The following KAT2B variants were observed in gnomAD, a reference collection of about 807,000 sequenced individuals.
The protein encoded by KAT2B is histone acetyltransferase KAT2B.
A neutral mutation model predicts 105.9 loss-of-function variants in KAT2B; 36 were observed. That is an observed-to-expected ratio of 0.34 (90% CI 0.26 to 0.45). The LOEUF (loss-of-function observed/expected upper bound fraction) is 0.45, where lower values mean the gene tolerates loss of function less well. KAT2B is among the 20% of genes least tolerant of loss of function. KAT2B has a pLI of 1.00. For missense variants in KAT2B, 820 were observed against 1,021.6 expected, an observed-to-expected ratio of 0.80 and a Z score of 2.69; for synonymous variants, 397 against 377.9, an observed-to-expected ratio of 1.05 and a Z score of -0.59.
At chr3:20,104,086 A>G (rs1471008884) in intron 5 of KAT2B, among the ~76,000 whole-genome samples, 2 of 152,228 alleles carry the variant, frequency 1.3e-5, no homozygotes, top group African/African-American at 4.8e-5. Context: ...CCTTAAATGT[A>G]TAATTGAGTG....
chr3:20,121,525 G>C (rs2125174044), intron 8 of KAT2B, among the ~76,000 whole-genome samples: 1 of 152,270 alleles, frequency 6.6e-6, no homozygotes, highest in South Asian at 2.1e-4. Flanking sequence ...GTGTGGAATG[G>C]TGAGATTGCA....
At chr3:20,130,845 G>A (rs1037250531) in intron 11 of KAT2B, among the ~76,000 whole-genome samples, 2 of 138,660 alleles carry the variant, frequency 1.4e-5, no homozygotes, top group Non-Finnish European at 3.1e-5. Context: ...AAATAGAATG[G>A]ATGAGTTTAG....
chr3:20,041,694 G>T (rs756565360), intron 1 of KAT2B, among the ~76,000 whole-genome samples: 3 of 152,120 alleles, frequency 2.0e-5, no homozygotes, highest in Non-Finnish European at 2.9e-5. Flanking sequence ...CGGGGACTTG[G>T]CCTTGTCAGC....
chr3:20,046,379 C>T (rs1360202550), intron 1 of KAT2B, among the ~76,000 whole-genome samples: 1 of 152,070 alleles, frequency 6.6e-6, no homozygotes, highest in South Asian at 2.1e-4. Flanking sequence ...CTCACGAGTT[C>T]GAGACCAGCC....
At chr3:20,116,508 G>A (rs1266020125) in intron 7 of KAT2B, among the ~76,000 whole-genome samples, 1 of 152,074 alleles carries the variant, frequency 6.6e-6, no homozygotes, top group African/African-American at 2.4e-5. Context: ...TGAGATTATT[G>A]TCCTGGGGTG....
intron 5 of KAT2B, among the ~76,000 whole-genome samples, chr3:20,105,098 C>G (rs1698976916): frequency 6.6e-6 from 1 of 152,056 alleles, no homozygotes; most frequent in South Asian, 2.1e-4. Context: ...GTTGGCCAGG[C>G]TAGTCTCGAA....
chr3:20,067,234 T>A (rs1473435734), intron 1 of KAT2B, among the ~76,000 whole-genome samples: 1 of 152,258 alleles, frequency 6.6e-6, no homozygotes, highest in Non-Finnish European at 1.5e-5. Flanking sequence ...TTCAGTTACA[T>A]TTTTAAGCAT....
intron 7 of KAT2B, 56 bp from the exon 8 acceptor site, chr3:20,119,541 TG>T: frequency 6.2e-7 from 1 of 1,604,812 alleles, no homozygotes; most frequent in South Asian, 1.1e-5. Context: ...CTTCGTTTCT[TG>T]TTACCTAAGA....
chr3:20,091,641 T>G (rs2125193541), intron 2 of KAT2B, among the ~76,000 whole-genome samples: 1 of 152,308 alleles, frequency 6.6e-6, no homozygotes, highest in East Asian at 1.9e-4. Context: ...CATAAGCTTC[T>G]TTCTTAGAAC....
chr3:20,057,805 G>A (rs1349417216), intron 1 of KAT2B, among the ~76,000 whole-genome samples: 2 of 152,116 alleles, frequency 1.3e-5, no homozygotes, highest in Non-Finnish European at 1.5e-5. Flanking sequence ...GGTAACAACT[G>A]GAGCCATTCC....
intron 1 of KAT2B, among the ~76,000 whole-genome samples, chr3:20,071,895 T>C (rs888090551): frequency 6.6e-6 from 1 of 152,198 alleles, no homozygotes; most frequent in Non-Finnish European, 1.5e-5. Context: ...GTTTCCCTTC[T>C]GGTCCATGGG....
At position 20,072,322 on chromosome 3, in the gene KAT2B, T is replaced by G. The variant is rs1181098923; in HGVS notation, c.304-11T>G. ...TAAATAATTTTGTCTCTTTCTTTAT[T>G]CCATTTTTAGGCCGAGGAGTCTTGT... On this transcript the variant is annotated splice_polypyrimidine_tract_variant and intron_variant, in intron 1 of 17. Coordinates refer to ENST00000263754, the MANE Select transcript of KAT2B (RefSeq NM_003884.5). The G allele has an allele frequency of 6.2e-7, 1 of 1,613,098 alleles. No homozygotes were observed.
rs1432957964 is a variant in KAT2B, at chr3:20,040,772, G to T, written c.295G>T (p.Ala99Ser). 6.3e-7 allele frequency: 1 copy of T among 1,590,518 alleles called. No individual in the cohort carries two copies. Among genetic ancestry groups the T allele is most frequent in the Non-Finnish European group, 8.5e-7 (1 of 1,171,762 alleles). Residue 99 changes from alanine (A) to serine (S), a missense_variant, in exon 1 of 18, where the codon GCC becomes TCC. By Grantham distance (99) the Ala-to-Ser change is moderately conservative (BLOSUM62 1). This residue lies in a region of KAT2B where 190 missense variants were observed against 176.7 expected (regional missense o/e 1.08). Transcript: ENST00000263754. ...KKLEKLGVYS[A>S]CKAEESCKCN... ...ACTGGAGAAACTCGGAGTGTACTCC[G>T]CCTGCAAGGTACGCGCTCGCCGCTC...
At chr3:20,065,722 C>T (rs1300205406) in intron 1 of KAT2B, among the ~76,000 whole-genome samples, 2 of 151,864 alleles carry the variant, frequency 1.3e-5, no homozygotes, top group Non-Finnish European at 2.9e-5. Flanking sequence ...AATACTGAAA[C>T]AAGTAAGGAA....
At chr3:20,132,972 T>C (rs1391956127) in intron 11 of KAT2B, among the ~76,000 whole-genome samples, 2 of 152,248 alleles carry the variant, frequency 1.3e-5, no homozygotes, top group Non-Finnish European at 2.9e-5. Flanking sequence ...GACATTACTT[T>C]TCCTGTGCAC....
chr3:20,108,815 A>G (rs1699068066), intron 5 of KAT2B, among the ~76,000 whole-genome samples: 1 of 152,166 alleles, frequency 6.6e-6, no homozygotes, highest in Non-Finnish European at 1.5e-5. Flanking sequence ...TTAGATTCTC[A>G]TAGGAGCCTG....
At chr3:20,110,515 AAGAAAAAATTAGCCAC>A (rs1699101335) in intron 5 of KAT2B, among the ~76,000 whole-genome samples, 1 of 151,770 alleles carries the variant, frequency 6.6e-6, no homozygotes, top group African/African-American at 2.4e-5. Flanking sequence ...TACAAAAAAT[AAGAAAAAATTAGCCAC>A]ATGTGGTGGT....
At chr3:20,148,199 TAAAACTCTAATC>T in intron 15 of KAT2B, 32 bp from the exon 16 acceptor site, 1 of 1,547,444 alleles carries the variant, frequency 6.5e-7, no homozygotes, top group Non-Finnish European at 8.9e-7. Flanking sequence ...GGCAATAGGG[TAAAACTCTAATC>T]ATTGCTCCTT....
At chr3:20,113,296 T>C (rs1699152700) in intron 6 of KAT2B, among the ~76,000 whole-genome samples, 1 of 152,238 alleles carries the variant, frequency 6.6e-6, no homozygotes, top group Non-Finnish European at 1.5e-5. Flanking sequence ...TTTTATGTTT[T>C]CAGGTAATAG....
Sources: gnomAD v4.1 joint callset for allele counts (sites outside exome capture counted in the v4.1 genomes callset) on GRCh38, gnomAD v4.1.1 for gene constraint, gnomAD v4.1.1 regional missense constraint, MANE v1.5 for transcripts, NCBI Gene and HGNC (gene_info 2026-07-23, HGNC 2026-07-21) for gene names.